The following ATP9B variants were observed in gnomAD, a reference collection of about 807,000 sequenced individuals.
ATP9B encodes the protein ATPase phospholipid transporting 9B.
ATP9B carries 110 observed loss-of-function variants against 146.1 expected under a neutral mutation model. The ratio of observed to expected loss-of-function variants is 0.75; its 90% CI spans 0.65 to 0.88. The LOEUF (loss-of-function observed/expected upper bound fraction) is 0.88, where lower values mean the gene tolerates loss of function less well. ATP9B is among the 40% of genes least tolerant of loss of function. The probability of loss-of-function intolerance (pLI) is 0.00; values close to 1 mark genes in which losing one functional copy is unlikely to be tolerated. For synonymous variants in ATP9B, 604 were observed against 569.7 expected (o/e 1.06, Z -0.86); for missense variants, 1,499 against 1,496.4 (o/e 1.00, Z -0.03).
intron 26 of ATP9B, chr18:79,362,498 C>T (rs2096995894): frequency 6.6e-6 from 1 of 152,194 alleles, no homozygotes; most frequent in South Asian, 2.1e-4. Flanking sequence ...TCTTTTGAAG[C>T]TCAAATTCTG....
chr18:79,090,697 CAAATAGGCA>C (rs1331889710), intron 1 of ATP9B, among the ~76,000 whole-genome samples: 2 of 152,078 alleles, frequency 1.3e-5, no homozygotes, highest in Non-Finnish European at 2.9e-5. Context: ...GGGTAGTTGG[CAAATAGGCA>C]AATATTTTCC....
chr18:79,226,925 G>A (rs1288345498), intron 11 of ATP9B, among the ~76,000 whole-genome samples: 32 of 151,734 alleles, frequency 2.1e-4, no homozygotes, highest in African/African-American at 7.3e-4. Context: ...GTTGGGCCCT[G>A]TGTACTAGGC....
chr18:79,335,638 C>A (rs1004337611), intron 17 of ATP9B, among the ~76,000 whole-genome samples: 1 of 152,146 alleles, frequency 6.6e-6, no homozygotes, highest in Non-Finnish European at 1.5e-5. Context: ...GGGATCTGGC[C>A]GTGTCCCCAC....
At chr18:79,176,266 C>G (rs1288888503) in intron 7 of ATP9B, among the ~76,000 whole-genome samples, 1 of 152,174 alleles carries the variant, frequency 6.6e-6, no homozygotes, top group East Asian at 1.9e-4. Context: ...GGGATGATAG[C>G]ACGGCCAAAG....
intron 4 of ATP9B, among the ~76,000 whole-genome samples, chr18:79,119,037 C>T (rs1264497347): frequency 1.3e-5 from 2 of 149,798 alleles, no homozygotes; most frequent in African/African-American, 4.9e-5. Flanking sequence ...CGCCACTGCA[C>T]TGAAGCCTGG....
chr18:79,328,867 A>G (rs887629751), intron 15 of ATP9B, among the ~76,000 whole-genome samples: 2 of 152,210 alleles, frequency 1.3e-5, no homozygotes, highest in South Asian at 2.1e-4. Context: ...CTAGGGAGCA[A>G]TTAACACAAA....
chr18:79,163,869 T>TACACACACACACACAC lies in ATP9B; in HGVS notation c.778+9336_778+9351dup, dbSNP rs56408063. ...TATTTTATTTTCATATTTTATTTTA[T>TACACACACACACACAC]ACACACACACACACACACACACACA... On this transcript the variant is annotated intron_variant, in intron 7 of 29. Transcript: ENST00000426216. 7.5e-3 allele frequency among the ~76,000 whole-genome samples: 1,070 copies of TACACACACACACACAC among 142,758 alleles called. 6 individuals carry two copies. The highest frequency in any genetic ancestry group is 0.01 in the Non-Finnish European group (664 of 65,688). The allele number at this position is 142,758 out of a possible 152,430, so 93.7% of individuals were successfully genotyped here. A position where few individuals can be genotyped will look rare whatever the true frequency, so the allele number is the denominator to read the frequency against.
At chr18:79,160,754 GTGTTTGTT>G (rs148998603) in intron 7 of ATP9B, among the ~76,000 whole-genome samples, 15 of 151,950 alleles carry the variant, frequency 9.9e-5, no homozygotes, top group South Asian at 2.1e-4. Flanking sequence ...GGGTTTGTTT[GTGTTTGTT>G]TGTTTGTTTG....
intron 15 of ATP9B, among the ~76,000 whole-genome samples, chr18:79,314,838 G>A (rs1270068771): frequency 6.6e-6 from 1 of 152,222 alleles, no homozygotes; most frequent in Non-Finnish European, 1.5e-5. Context: ...CAGGACACCA[G>A]CACCGAACTA....
chr18:79,129,368 A>G lies in ATP9B; in HGVS notation c.667+2993A>G, dbSNP rs370799689. On this transcript the variant is annotated intron_variant, in intron 5 of 29. Transcript: ENST00000426216. ...AAGTCTTTCCCTCTGGCCAGTCTCT[A>G]GGCTCAGTGCAAGAAGGAAGGGAAG... Among the ~76,000 whole-genome samples, 36 of 152,314 alleles carry G rather than the reference A, an allele frequency of 2.4e-4. 2 individuals carry two copies. In the South Asian group the frequency reaches 7.5e-3, roughly 32 times the overall value.
intron 9 of ATP9B, among the ~76,000 whole-genome samples, chr18:79,195,436 A>G (rs1456258187): frequency 6.6e-6 from 1 of 152,314 alleles, no homozygotes; most frequent in East Asian, 1.9e-4. Flanking sequence ...TTAACAGAAG[A>G]AAACATAAGT....
At chr18:79,220,274 A>G (rs1473471404) in intron 11 of ATP9B, among the ~76,000 whole-genome samples, 1 of 152,184 alleles carries the variant, frequency 6.6e-6, no homozygotes, top group Non-Finnish European at 1.5e-5. Flanking sequence ...ATAAGCTTTT[A>G]TATAATATTT....
intron 12 of ATP9B, among the ~76,000 whole-genome samples, chr18:79,263,008 A>C (rs191036874): frequency 6.6e-6 from 1 of 152,224 alleles, no homozygotes; most frequent in East Asian, 1.9e-4. Context: ...AAAAGTTATT[A>C]CTTCTTGTTG....
At chr18:79,143,678 A>C in intron 5 of ATP9B, 124 bp from the exon 6 acceptor site, 1 of 560,768 alleles carries the variant, frequency 1.8e-6, no homozygotes, top group Non-Finnish European at 3.1e-6. Flanking sequence ...AAGTACAAGT[A>C]TAGGGAAATT....
chr18:79,329,165 A>T lies in ATP9B; in HGVS notation c.1798A>T (p.Ser600Cys), dbSNP rs746067422. Residue 600 changes from serine (S) to cysteine (C), a missense_variant, in exon 16 of 30, where the codon AGT becomes TGT. Physicochemically the swap from Ser to Cys is moderately radical, Grantham distance 112 (BLOSUM62 -1). Transcript: ENST00000426216. Reference protein sequence around the residue: ...DEVALVQWTESVGLTLVSRDL... With the variant: ...DEVALVQWTECVGLTLVSRDL... ...GGTCGCTCTGGTGCAGTGGACAGAG[A>T]GTGTGGGCCTCACGCTGGTCAGCAG... 4.4e-6 allele frequency: 7 copies of T among 1,606,074 alleles called. No individual in the cohort carries two copies. Among genetic ancestry groups the T allele is most frequent in the African/African-American group, 1.3e-5 (1 of 74,508 alleles).
At chr18:79,319,115 T>G (rs557878408) in intron 15 of ATP9B, among the ~76,000 whole-genome samples, 1 of 152,296 alleles carries the variant, frequency 6.6e-6, no homozygotes, top group South Asian at 2.1e-4. Flanking sequence ...GGGTCTTGGA[T>G]GTTCTGGGAC....
intron 12 of ATP9B, among the ~76,000 whole-genome samples, chr18:79,256,015 T>G (rs1272823900): frequency 6.6e-6 from 1 of 152,138 alleles, no homozygotes. Context: ...ACTTGCTTTG[T>G]GGATTGGTAC....
At chr18:79,370,434 T>C (rs186645930) in intron 26 of ATP9B, among the ~76,000 whole-genome samples, 3 of 152,228 alleles carry the variant, frequency 2.0e-5, no homozygotes, top group East Asian at 3.9e-4. Flanking sequence ...TCAGTCAGAG[T>C]GACAGACATC....
intron 15 of ATP9B, among the ~76,000 whole-genome samples, chr18:79,327,668 C>CTCTCCGTGGTTAGCGTGT (rs2096761620): frequency 7.2e-6 from 1 of 138,000 alleles, no homozygotes; most frequent in African/African-American, 2.7e-5. Flanking sequence ...GTTTAGCGTG[C>CTCTCCGTGGTTAGCGTGT]TCTCCGTGGT....
Sources: gnomAD v4.1 joint callset for allele counts (sites outside exome capture counted in the v4.1 genomes callset) on GRCh38, gnomAD v4.1.1 for gene constraint, MANE v1.5 for transcripts, NCBI Gene and HGNC (gene_info 2026-07-23, HGNC 2026-07-21) for gene names.